Variants in PPARGC1B observed in about 807,000 individuals in gnomAD.
The protein encoded by PPARGC1B is peroxisome proliferator-activated receptor gamma coactivator 1-beta.
PPARGC1B carries 34 observed loss-of-function variants against 101.6 expected under a neutral mutation model. The observed-to-expected ratio is 0.33, with a 90% confidence interval of 0.25 to 0.45. PPARGC1B has a LOEUF of 0.45. Among genes scored for constraint, PPARGC1B ranks in the 20% least tolerant of loss-of-function variants. The probability of loss-of-function intolerance (pLI) is 1.00; values close to 1 mark genes in which losing one functional copy is unlikely to be tolerated. For synonymous variants in PPARGC1B, 548 were observed against 539.3 expected (o/e 1.02, Z -0.22); for missense variants, 1,234 against 1,317.6 (o/e 0.94, Z 0.98).
At position 149,850,409 on chromosome 5, in the gene PPARGC1B, G is replaced by A. The variant is rs1759723626; in HGVS notation, c.*2851G>A. On this transcript the variant is annotated 3_prime_UTR_variant, in exon 12 of 12. Coordinates refer to ENST00000309241, the MANE Select transcript of PPARGC1B (RefSeq NM_133263.4). ...AGACCTGAGCGTGGCATTGGGACAT[G>A]ACATACCTAAAGTCAGGGCTAGGGG... 6.6e-6 allele frequency: 1 copy of A among 152,236 alleles called. No individual in the cohort carries two copies. The highest frequency in any genetic ancestry group is 1.5e-5 in the Non-Finnish European group (1 of 68,046). The allele number at this position is 152,236 out of a possible 1,614,324, so 9.4% of individuals were successfully genotyped here.
At chr5:149,796,297 A>G (rs1349098150) in intron 1 of PPARGC1B, among the ~76,000 whole-genome samples, 1 of 152,154 alleles carries the variant, frequency 6.6e-6, no homozygotes, top group African/African-American at 2.4e-5. Context: ...TGGCTTGTGG[A>G]TAGACACTGG....
intron 1 of PPARGC1B, among the ~76,000 whole-genome samples, chr5:149,778,156 A>C (rs1396145302): frequency 6.6e-6 from 1 of 150,984 alleles, no homozygotes; most frequent in Non-Finnish European, 1.5e-5. Context: ...ACACACACAC[A>C]CACACACAGA....
intron 1 of PPARGC1B, among the ~76,000 whole-genome samples, chr5:149,815,469 A>G (rs141306757): frequency 6.6e-6 from 1 of 152,306 alleles, no homozygotes; most frequent in African/African-American, 2.4e-5. Flanking sequence ...CAGACACCCT[A>G]ATCTCAGACT....
At position 149,800,706 on chromosome 5, in the gene PPARGC1B, C is replaced by T. The variant is rs1027303993; in HGVS notation, c.79-19727C>T. Among the ~76,000 whole-genome samples the T allele has an allele frequency of 5.3e-5, 8 of 152,340 alleles. No homozygotes were observed. In the East Asian group the frequency reaches 1.5e-3, roughly 29 times the overall value. ...TGGGGCAGGGGGAGCTGAGTCCCAA[C>T]AGGTGGGGCCAGGTGCATGTTGGGT... On this transcript the variant is annotated intron_variant, in intron 1 of 11. Transcript: ENST00000309241.
At chr5:149,776,373 ATTTAT>A (rs1756361464) in intron 1 of PPARGC1B, among the ~76,000 whole-genome samples, 2 of 151,834 alleles carry the variant, frequency 1.3e-5, no homozygotes, top group South Asian at 4.2e-4. Flanking sequence ...GGTTTTTTTT[ATTTAT>A]TTATTTTTAT....
Position 149,738,245 on chromosome 5 carries a change from A to C in PPARGC1B, c.78+7825A>C, listed in dbSNP as rs185197681. 2.6e-3 allele frequency among the ~76,000 whole-genome samples: 398 copies of C among 151,960 alleles called. 2 individuals are homozygous for C. The highest frequency in any genetic ancestry group is 4.1e-3 in the Non-Finnish European group (277 of 67,992). On this transcript the variant is annotated intron_variant, in intron 1 of 11. Transcript: ENST00000309241. ...CCTGGAATATAACAGACATTTAATC[A>C]GTCCTCATTGAATGATTAGGAAATC... is the stretch of plus-strand genomic sequence containing the variant.
At chr5:149,772,522 A>G (rs557588667) in intron 1 of PPARGC1B, among the ~76,000 whole-genome samples, 18 of 152,250 alleles carry the variant, frequency 1.2e-4, no homozygotes, top group African/African-American at 4.1e-4. Flanking sequence ...CAGAAGTCTA[A>G]AAGCAAGGGG....
chr5:149,753,438 C>T (rs890283229), intron 1 of PPARGC1B, among the ~76,000 whole-genome samples: 1 of 152,128 alleles, frequency 6.6e-6, no homozygotes, highest in Non-Finnish European at 1.5e-5. Context: ...AAACTCCTGA[C>T]CTCAAGTGAT....
At chr5:149,835,211 C>G (rs1273264896) in intron 6 of PPARGC1B, 90 bp from the exon 7 acceptor site, 1 of 1,187,992 alleles carries the variant, frequency 8.4e-7, no homozygotes, top group Non-Finnish European at 1.3e-6. Context: ...GGGCCTGTCA[C>G]AGCACTCCCT....
chr5:149,744,405 G>C (rs553520087), intron 1 of PPARGC1B, among the ~76,000 whole-genome samples: 5 of 152,314 alleles, frequency 3.3e-5, no homozygotes, highest in Admixed American at 2.0e-4. Context: ...AGCCAGCTTG[G>C]GGCCAATTAG....
rs1362511415 is a variant in PPARGC1B, at chr5:149,820,430, C to T, written c.79-3C>T. On this transcript the variant is annotated splice_region_variant and splice_polypyrimidine_tract_variant and intron_variant, in intron 1 of 11. Transcript: ENST00000309241. The stretch of plus-strand genomic sequence containing the variant: ...TCCACCTCTTTCCTTCCTGTCTCCT[C>T]AGGGTGGAGGGTCCGGGGAGGAGCA... 1.9e-6 allele frequency: 3 copies of T among 1,613,206 alleles called. No individual in the cohort carries two copies. The highest frequency in any genetic ancestry group is 2.2e-5 in the East Asian group (1 of 44,878).
intron 10 of PPARGC1B, among the ~76,000 whole-genome samples, chr5:149,844,259 A>C (rs543101596): frequency 6.6e-6 from 1 of 152,394 alleles, no homozygotes; most frequent in Admixed American, 6.5e-5. Context: ...CAGGCAAATT[A>C]ATCTCTAAAG....
At chr5:149,756,347 G>A (rs1306012484) in intron 1 of PPARGC1B, among the ~76,000 whole-genome samples, 1 of 152,156 alleles carries the variant, frequency 6.6e-6, no homozygotes, top group Non-Finnish European at 1.5e-5. Flanking sequence ...AGCTACTTGG[G>A]AGGCTGAGGC....
chr5:149,805,740 A>AT (rs1757575977), intron 1 of PPARGC1B, among the ~76,000 whole-genome samples: 1 of 152,240 alleles, frequency 6.6e-6, no homozygotes, highest in African/African-American at 2.4e-5. Context: ...TGGCCTATTT[A>AT]TCTTTTTTGC....
At chr5:149,814,692 A>G (rs1757988493) in intron 1 of PPARGC1B, among the ~76,000 whole-genome samples, 1 of 152,220 alleles carries the variant, frequency 6.6e-6, no homozygotes, top group South Asian at 2.1e-4. Flanking sequence ...TTTCCTGAAG[A>G]TGCATTCTTT....
At chr5:149,731,555 C>T (rs1283821883) in intron 1 of PPARGC1B, among the ~76,000 whole-genome samples, 2 of 147,740 alleles carry the variant, frequency 1.4e-5, no homozygotes, top group Non-Finnish European at 3.0e-5. Context: ...GGTTTGGTAC[C>T]TGGAGTGGGA....
Position 149,753,510 on chromosome 5 carries a change from CTATT to C in PPARGC1B, c.78+23104_78+23107del, listed in dbSNP as rs574145766. On this transcript the variant is annotated intron_variant, in intron 1 of 11. Transcript: ENST00000309241. ...AAAGGCATGAGCCACTGTGCCTGGC[CTATT>C]TATTTATTTATTTTTAGTTAAAAAA... 3.3e-4 allele frequency among the ~76,000 whole-genome samples: 50 copies of C among 152,054 alleles called. No individual in the cohort carries two copies. The East Asian group carries it at 7.7e-3, about 24-fold the overall frequency.
chr5:149,767,356 A>G (rs1183952239), intron 1 of PPARGC1B, among the ~76,000 whole-genome samples: 2 of 152,170 alleles, frequency 1.3e-5, no homozygotes, highest in Non-Finnish European at 2.9e-5. Context: ...ATAATGAATG[A>G]TTGTTTAGAA....
chr5:149,841,590 G>A (rs910306908), intron 9 of PPARGC1B, among the ~76,000 whole-genome samples: 2 of 152,216 alleles, frequency 1.3e-5, no homozygotes, highest in Non-Finnish European at 2.9e-5. Context: ...GAACAAGCCT[G>A]CAGCTTCTCT....
Sources: allele counts gnomAD v4.1 joint callset (sites outside exome capture counted in the v4.1 genomes callset), GRCh38; gene constraint gnomAD v4.1.1; transcripts MANE v1.5; gene names NCBI Gene and HGNC (gene_info 2026-07-23, HGNC 2026-07-21).